GRIK2: variants seen among roughly 807,000 people sequenced by gnomAD.
GRIK2 encodes glutamate ionotropic receptor kainate type subunit 2, also known as glutamate receptor ionotropic, kainate 2.
A neutral mutation model predicts 100.3 loss-of-function variants in GRIK2; 32 were observed. The ratio of observed to expected loss-of-function variants is 0.32; its 90% CI spans 0.24 to 0.43. The LOEUF is 0.43. Ranked by LOEUF, GRIK2 falls within the 20% of genes least tolerant of loss-of-function variation. The probability of loss-of-function intolerance (pLI) is 1.00; values close to 1 mark genes in which losing one functional copy is unlikely to be tolerated. For synonymous variants in GRIK2, 417 were observed against 389.4 expected (o/e 1.07, Z -0.83); for missense variants, 843 against 1,114.9 (o/e 0.76, Z 3.47).
chr6:101,797,075 G>T (rs1251903304), intron 7 of GRIK2, among the ~76,000 whole-genome samples: 2 of 151,890 alleles, frequency 1.3e-5, no homozygotes, highest in Non-Finnish European at 2.9e-5. Context: ...TTATCTATAT[G>T]TCAGTAAGTC....
intron 2 of GRIK2, among the ~76,000 whole-genome samples, chr6:101,437,394 CA>C (rs1460761997): frequency 6.6e-6 from 1 of 152,054 alleles, no homozygotes; most frequent in Non-Finnish European, 1.5e-5. Flanking sequence ...TAATGTACCT[CA>C]CAACTGCCAA....
intron 7 of GRIK2, among the ~76,000 whole-genome samples, chr6:101,757,501 A>G (rs889257190): frequency 2.6e-5 from 4 of 152,214 alleles, no homozygotes; most frequent in African/African-American, 9.6e-5. Context: ...TTAAAAGTTT[A>G]CAGTGGGAAT....
At chr6:101,718,624 T>G (rs1583016751) in intron 7 of GRIK2, among the ~76,000 whole-genome samples, 2 of 151,918 alleles carry the variant, frequency 1.3e-5, no homozygotes, top group Non-Finnish European at 2.9e-5. Context: ...TCCAGTGTAT[T>G]GTGAAAAATC....
At chr6:101,597,604 G>T (rs1245717068) in intron 2 of GRIK2, among the ~76,000 whole-genome samples, 1 of 151,704 alleles carries the variant, frequency 6.6e-6, no homozygotes, top group Non-Finnish European at 1.5e-5. Flanking sequence ...CTGACACAAA[G>T]AAGATTCTGA....
chr6:101,891,623 T>C (rs1787105889), intron 12 of GRIK2: 1 of 394,396 alleles, frequency 2.5e-6, no homozygotes, highest in Non-Finnish European at 4.9e-6. Context: ...TATTTTTACC[T>C]AATTAGTTAG....
chr6:102,046,681 A>G (rs894857421), intron 15 of GRIK2, among the ~76,000 whole-genome samples: 1 of 152,112 alleles, frequency 6.6e-6, no homozygotes, highest in African/African-American at 2.4e-5. Flanking sequence ...GCAGTGTGCA[A>G]ATGGACTATT....
chr6:102,066,678 G>A (rs1244375625), intron 16 of GRIK2, among the ~76,000 whole-genome samples: 1 of 151,594 alleles, frequency 6.6e-6, no homozygotes, highest in Non-Finnish European at 1.5e-5. Flanking sequence ...GAGAAAGAGA[G>A]AGAGATGGAA....
chr6:101,932,935 A>G (rs1790379058), intron 14 of GRIK2, among the ~76,000 whole-genome samples: 1 of 151,916 alleles, frequency 6.6e-6, no homozygotes, highest in African/African-American at 2.4e-5. Context: ...TGCTTTTACC[A>G]GTACAATTTC....
intron 9 of GRIK2, among the ~76,000 whole-genome samples, chr6:101,810,076 CAT>C (rs1028833310): frequency 7.4e-6 from 1 of 134,348 alleles, no homozygotes; most frequent in African/African-American, 3.2e-5. Flanking sequence ...TTTGAATTAA[CAT>C]ATATATATGT....
intron 2 of GRIK2, among the ~76,000 whole-genome samples, chr6:101,428,787 T>C (rs1297969643): frequency 6.6e-6 from 1 of 152,218 alleles, no homozygotes; most frequent in African/African-American, 2.4e-5. Flanking sequence ...GAACGTTAAG[T>C]GTTGAAGTAA....
intron 14 of GRIK2, among the ~76,000 whole-genome samples, chr6:101,971,302 A>C (rs1202506040): frequency 6.6e-6 from 1 of 152,072 alleles, no homozygotes; most frequent in Non-Finnish European, 1.5e-5. Context: ...ACAGTGATAT[A>C]TGTGTTTATA....
intron 2 of GRIK2, among the ~76,000 whole-genome samples, chr6:101,477,036 T>A (rs1318838972): frequency 6.6e-6 from 1 of 152,226 alleles, no homozygotes; most frequent in Non-Finnish European, 1.5e-5. Context: ...TGTGCATTTT[T>A]AAACTCTCTA....
chr6:102,049,666 A>G (rs967565189), intron 15 of GRIK2, among the ~76,000 whole-genome samples: 1 of 152,180 alleles, frequency 6.6e-6, no homozygotes, highest in Non-Finnish European at 1.5e-5. Context: ...ATGTACATTT[A>G]CCAAAAACAG....
At chr6:101,446,793 C>T (rs1028789732) in intron 2 of GRIK2, among the ~76,000 whole-genome samples, 6 of 74,816 alleles carry the variant, frequency 8.0e-5, no homozygotes, top group Non-Finnish European at 1.5e-4. Flanking sequence ...ACTCTATACA[C>T]ATGGCTTTGT....
At chr6:101,499,358 G>A (rs982701791) in intron 2 of GRIK2, among the ~76,000 whole-genome samples, 2 of 151,922 alleles carry the variant, frequency 1.3e-5, no homozygotes, top group African/African-American at 4.8e-5. Context: ...TTTTCTCCAG[G>A]GAACTTTATA....
chr6:101,527,246 T>G (rs1295009770), intron 2 of GRIK2, among the ~76,000 whole-genome samples: 2 of 152,202 alleles, frequency 1.3e-5, no homozygotes, highest in Admixed American at 6.5e-5. Flanking sequence ...TGAAAACTGC[T>G]ATGTTATTAT....
intron 11 of GRIK2, among the ~76,000 whole-genome samples, chr6:101,875,145 G>A (rs569939754): frequency 6.6e-6 from 1 of 152,184 alleles, no homozygotes; most frequent in East Asian, 1.9e-4. Flanking sequence ...GAATAGGAGT[G>A]GTGAGAGAGG....
chr6:101,487,851 A>G (rs1215366118), intron 2 of GRIK2, among the ~76,000 whole-genome samples: 1 of 146,442 alleles, frequency 6.8e-6, no homozygotes, highest in Non-Finnish European at 1.5e-5. Flanking sequence ...CTTAGAATAT[A>G]TATTTTTAAG....
rs200734106 is a variant in GRIK2 at position 102,051,257 on chromosome 6, C to CTTCTTTCT, written c.2312-4070_2312-4069insTTTCTTTC. Among the ~76,000 whole-genome samples, 7 of 95,928 alleles carry CTTCTTTCT rather than the reference C, an allele frequency of 7.3e-5. No individual in the cohort carries two copies. The South Asian group carries it at 1.2e-3, about 17-fold the overall frequency. The allele number at this position is 95,928 out of a possible 152,430, so 62.9% of individuals were successfully genotyped here. A position where few individuals can be genotyped will look rare whatever the true frequency, so the allele number is the denominator to read the frequency against. On this transcript the variant is annotated intron_variant, in intron 15 of 16. Coordinates refer to ENST00000369134, the MANE Select transcript of GRIK2 (RefSeq NM_021956.5). ...ACTGCCTGCTTCCCTCCCTCCCTTCCTTCCTTCCTTCCTTCCTTCCTTCCT... is the reference window on the plus strand; with the variant it reads ...ACTGCCTGCTTCCCTCCCTCCCTTCCTTCTTTCTTTCCTTCCTTCCTTCCTTCCTTCCT...
Sources: allele counts gnomAD v4.1 joint callset (sites outside exome capture counted in the v4.1 genomes callset), GRCh38; gene constraint gnomAD v4.1.1; transcripts MANE v1.5; gene names NCBI Gene and HGNC (gene_info 2026-07-23, HGNC 2026-07-21).